The following LINGO2 variants were observed in gnomAD, a reference collection of about 807,000 sequenced individuals.
The protein encoded by LINGO2 is leucine rich repeat and Ig domain containing 2, also known as leucine-rich repeat and immunoglobulin-like domain-containing nogo receptor-interacting protein 2.
In LINGO2, 14 loss-of-function variants were observed where a neutral mutation model predicts 30.6. The ratio of observed to expected loss-of-function variants is 0.46; its 90% CI spans 0.30 to 0.72. The LOEUF (loss-of-function observed/expected upper bound fraction) is 0.72, where lower values mean the gene tolerates loss of function less well. Among genes scored for constraint, LINGO2 ranks in the 30% least tolerant of loss-of-function variants. LINGO2 has a pLI of 0.07. For synonymous variants in LINGO2, 317 were observed against 288.5 expected, an observed-to-expected ratio of 1.10 and a Z score of -1.00; for missense variants, 729 against 751.7, an observed-to-expected ratio of 0.97 and a Z score of 0.35.
chr9:28,028,584 C>G lies in LINGO2; in HGVS notation c.-86-16179G>C, dbSNP rs12339830. Among the ~76,000 whole-genome samples, 963 of 151,978 alleles carry G rather than the reference C, an allele frequency of 6.3e-3. 13 individuals carry two copies. Among genetic ancestry groups the G allele is most frequent in the African/African-American group, 0.022 (912 of 41,438 alleles). On this transcript the variant is annotated intron_variant, in intron 4 of 5. Transcript: ENST00000379992. ...TGTATCCAGGGGGTTGTTTCCAGGA[C>G]CCCCATAGATACCAAAACCAGAAGA...
the LINGO2 span, among the ~76,000 whole-genome samples, chr9:28,976,964 G>A: frequency 6.6e-6 from 1 of 152,118 alleles, no homozygotes; most frequent in African/African-American, 2.4e-5. Flanking sequence ...TATTTTGTTA[G>A]AAGGAAATAA....
At chr9:29,177,904 A>T in the LINGO2 span, among the ~76,000 whole-genome samples, 1 of 152,266 alleles carries the variant, frequency 6.6e-6, no homozygotes, top group South Asian at 2.1e-4. Context: ...CCACACCTTC[A>T]TAATCATATC....
intron 4 of LINGO2, among the ~76,000 whole-genome samples, chr9:28,142,674 CCT>C (rs1827707297): frequency 6.6e-6 from 1 of 152,010 alleles, no homozygotes; most frequent in Non-Finnish European, 1.5e-5. Context: ...GAGATAATTC[CCT>C]GATTCCTTTA....
chr9:28,596,402 T>C (rs1012051532), intron 1 of LINGO2, among the ~76,000 whole-genome samples: 1 of 152,194 alleles, frequency 6.6e-6, no homozygotes, highest in Non-Finnish European at 1.5e-5. Context: ...GTTCACTTTT[T>C]ACCAAATCTT....
chr9:28,162,187 C>T lies in LINGO2; in HGVS notation c.-87+133021G>A, dbSNP rs189159786. On this transcript the variant is annotated intron_variant, in intron 4 of 5. Coordinates refer to ENST00000379992, the Ensembl canonical transcript of LINGO2. ...AAACTTATGAGAAAATGCAGACAAA[C>T]GAAAGACTCAGTCAGAGGACATTTC... 2.0e-5 allele frequency among the ~76,000 whole-genome samples: 3 copies of T among 152,132 alleles called. No individual in the cohort carries two copies. In the East Asian group the frequency reaches 5.8e-4, roughly 29 times the overall value.
chr9:28,785,234 G>C, the LINGO2 span, among the ~76,000 whole-genome samples: 1 of 152,126 alleles, frequency 6.6e-6, no homozygotes, highest in Non-Finnish European at 1.5e-5. Context: ...ATTATGAAGA[G>C]TCTTGAGAAG....
chr9:28,189,981 G>T (rs1480856683), intron 4 of LINGO2, among the ~76,000 whole-genome samples: 2 of 152,084 alleles, frequency 1.3e-5, no homozygotes, highest in African/African-American at 4.8e-5. Context: ...ATAAGAACAG[G>T]AATACTTAGA....
chr9:27,978,652 GT>G (rs1820718683), intron 5 of LINGO2, among the ~76,000 whole-genome samples: 1 of 151,904 alleles, frequency 6.6e-6, no homozygotes, highest in Non-Finnish European at 1.5e-5. Context: ...AATTTCTGTG[GT>G]TTACAAGCCA....
chr9:28,381,604 T>C (rs549808975), intron 2 of LINGO2, among the ~76,000 whole-genome samples: 91 of 152,250 alleles, frequency 6.0e-4, no homozygotes, highest in African/African-American at 2.1e-3. Flanking sequence ...AAAAATACCA[T>C]ATTTTCAAAA....
chr9:29,195,591 A>T, the LINGO2 span, among the ~76,000 whole-genome samples: 4 of 152,078 alleles, frequency 2.6e-5, no homozygotes, highest in African/African-American at 9.7e-5. Context: ...CCTTTTCTCC[A>T]CAACTAATTA....
At chr9:28,835,522 C>G in the LINGO2 span, among the ~76,000 whole-genome samples, 7 of 152,188 alleles carry the variant, frequency 4.6e-5, no homozygotes, top group African/African-American at 1.4e-4. Context: ...TTTAGAAACC[C>G]ATTTGTTTGA....
At chr9:28,184,736 A>G (rs972000254) in intron 4 of LINGO2, among the ~76,000 whole-genome samples, 1 of 152,130 alleles carries the variant, frequency 6.6e-6, no homozygotes, top group Admixed American at 6.6e-5. Flanking sequence ...CTAAAAGGAG[A>G]AAGTAAACAA....
At chr9:28,071,552 T>C (rs1345789950) in intron 4 of LINGO2, among the ~76,000 whole-genome samples, 1 of 151,674 alleles carries the variant, frequency 6.6e-6, no homozygotes, top group East Asian at 1.9e-4. Flanking sequence ...TTAGATGGTC[T>C]TAAATGTATA....
chr9:29,207,015 ATG>A, the LINGO2 span, among the ~76,000 whole-genome samples: 24 of 150,020 alleles, frequency 1.6e-4, no homozygotes, highest in Admixed American at 2.0e-4. Context: ...ATCAGGCTAT[ATG>A]TGTGTGTGTG....
chr9:28,203,019 T>C (rs1229663414), intron 4 of LINGO2, among the ~76,000 whole-genome samples: 2 of 152,188 alleles, frequency 1.3e-5, no homozygotes, highest in Admixed American at 1.3e-4. Context: ...TAGAACCTAA[T>C]GGGTACACAA....
the LINGO2 span, among the ~76,000 whole-genome samples, chr9:28,749,766 A>G: frequency 2.6e-5 from 4 of 152,100 alleles, no homozygotes; most frequent in African/African-American, 7.2e-5. Context: ...ACCAACAATG[A>G]GTAACAGACT....
chr9:28,117,782 G>T (rs984095618), intron 4 of LINGO2, among the ~76,000 whole-genome samples: 1 of 150,150 alleles, frequency 6.7e-6, no homozygotes, highest in Non-Finnish European at 1.5e-5. Context: ...CGGACGGTGC[G>T]CACACACACT....
At chr9:28,969,322 A>G in the LINGO2 span, among the ~76,000 whole-genome samples, 1 of 152,174 alleles carries the variant, frequency 6.6e-6, no homozygotes, top group Non-Finnish European at 1.5e-5. Context: ...TGAGGAAAAA[A>G]AATCCAAGCA....
intron 1 of LINGO2, among the ~76,000 whole-genome samples, chr9:28,579,835 G>C (rs1046582946): frequency 6.6e-6 from 1 of 152,024 alleles, no homozygotes; most frequent in Non-Finnish European, 1.5e-5. Flanking sequence ...GGTATAGCGG[G>C]AGAACAACAG....
Sources: gnomAD v4.1 joint callset for allele counts (sites outside exome capture counted in the v4.1 genomes callset) on GRCh38, gnomAD v4.1.1 for gene constraint, MANE v1.5 for transcripts, NCBI Gene and HGNC (gene_info 2026-07-23, HGNC 2026-07-21) for gene names.